Variants in ASTN1 observed in about 807,000 individuals in gnomAD.
The protein encoded by ASTN1 is astrotactin 1.
ASTN1 carries 41 observed loss-of-function variants against 140.7 expected under a neutral mutation model. The ratio of observed to expected loss-of-function variants is 0.29; its 90% CI spans 0.23 to 0.38. The LOEUF (loss-of-function observed/expected upper bound fraction) is 0.38. Among genes scored for constraint, ASTN1 ranks in the 10% least tolerant of loss-of-function variants. The probability of loss-of-function intolerance (pLI) is 1.00; values close to 1 mark genes in which losing one functional copy is unlikely to be tolerated. For missense variants in ASTN1, 1,479 were observed against 1,678.8 expected, an observed-to-expected ratio of 0.88 and a Z score of 2.08; for synonymous variants, 640 against 652.2, an observed-to-expected ratio of 0.98 and a Z score of 0.29.
intron 8 of ASTN1, among the ~76,000 whole-genome samples, chr1:177,011,922 CTG>C (rs1340564335): frequency 1.3e-5 from 2 of 152,146 alleles, no homozygotes; most frequent in Admixed American, 1.3e-4. Flanking sequence ...TACTTTTCTC[CTG>C]GTACATTGAC....
intron 1 of ASTN1, among the ~76,000 whole-genome samples, chr1:177,077,972 A>G (rs1195672294): frequency 1.3e-5 from 2 of 152,172 alleles, no homozygotes; most frequent in Non-Finnish European, 2.9e-5. Flanking sequence ...AAATAAGTGG[A>G]AGCAGAGCTC....
intron 8 of ASTN1, among the ~76,000 whole-genome samples, chr1:176,998,087 C>T (rs1674540234): frequency 6.6e-6 from 1 of 152,116 alleles, no homozygotes; most frequent in Admixed American, 6.5e-5. Context: ...GGTTGCCATA[C>T]TTGTCTTCAT....
chr1:177,164,453 G>T lies in ASTN1; in HGVS notation c.224C>A (p.Pro75Gln), dbSNP rs1647591080. ...GTCGTCCACCACGACCATTTCTCCC[G>T]GGAAGTCGTTGCGCACCGAGAAGAG... ...KLLFSVRNDF[P>Q]GEMVVVDDLE... The change falls in exon 1 of 23, where the codon CCG (proline) becomes CAG (glutamine). Residue 75 changes from proline (P) to glutamine (Q), a missense_variant. By Grantham distance (76) the Pro-to-Gln change is moderately conservative. Transcript: ENST00000361833. The T allele has an allele frequency of 1.2e-6, 2 of 1,613,520 alleles. No individual in the cohort carries two copies. Among genetic ancestry groups the T allele is most frequent in the Non-Finnish European group, 8.5e-7 (1 of 1,179,810 alleles).
rs371223970 is a variant in ASTN1 at position 177,053,610 on chromosome 1, GA to G, written c.471+7467del. Among the ~76,000 whole-genome samples the G allele has an allele frequency of 3.1e-4, 47 of 152,280 alleles. 1 individual carries two copies. The South Asian group carries it at 9.5e-3, about 31-fold the overall frequency. ...AGTGTTAAATAATCAATATCTAAAT[GA>G]AGGAATGAGTCAATGATTTTAAAAA... On this transcript the variant is annotated intron_variant, in intron 2 of 22. Transcript: ENST00000361833.
chr1:177,058,413 T>G (rs1677913831), intron 2 of ASTN1, among the ~76,000 whole-genome samples: 1 of 152,140 alleles, frequency 6.6e-6, no homozygotes, highest in Middle Eastern at 3.2e-3. Context: ...AAAATTAAGC[T>G]GAAGGAATAA....
intron 21 of ASTN1, among the ~76,000 whole-genome samples, chr1:176,870,641 A>C (rs1274912921): frequency 6.6e-6 from 1 of 152,178 alleles, no homozygotes; most frequent in East Asian, 1.9e-4. Flanking sequence ...TCTCACTGAT[A>C]TCTCTTGATA....
chr1:176,883,559 C>T (rs924627447), intron 19 of ASTN1, among the ~76,000 whole-genome samples: 1 of 152,156 alleles, frequency 6.6e-6, no homozygotes, highest in Non-Finnish European at 1.5e-5. Flanking sequence ...TGGTCCCTGC[C>T]GTACCTCAGC....
At chr1:176,988,692 T>C (rs1181942526) in intron 8 of ASTN1, among the ~76,000 whole-genome samples, 3 of 152,170 alleles carry the variant, frequency 2.0e-5, no homozygotes, top group Non-Finnish European at 4.4e-5. Flanking sequence ...GGGATTTTGG[T>C]TTAAAGATCT....
intron 8 of ASTN1, among the ~76,000 whole-genome samples, chr1:176,994,726 T>C (rs1674357357): frequency 6.6e-6 from 1 of 152,204 alleles, no homozygotes; most frequent in Non-Finnish European, 1.5e-5. Context: ...TGCTTCAATT[T>C]CTTCACCTAT....
intron 1 of ASTN1, among the ~76,000 whole-genome samples, chr1:177,090,347 C>G (rs1251480031): frequency 6.6e-6 from 1 of 151,930 alleles, no homozygotes; most frequent in Non-Finnish European, 1.5e-5. Context: ...ATAGCTATAG[C>G]TTTACAAACA....
rs1046135074 is a variant in ASTN1, at chr1:176,876,472, T to C, written c.3463+65A>G. ...TTCAACTCTCTTGGTCCTTCTGTCC[T>C]CATAGCAAGTGGTGGGTACCTGGGG... On this transcript the variant is annotated intron_variant, in intron 21 of 22. Transcript: ENST00000361833. 9 of 1,541,736 alleles carry C rather than the reference T, an allele frequency of 5.8e-6. No homozygotes were observed. The Admixed American group carries it at 6.7e-5, about 11-fold the overall frequency.
rs1351570202 is a variant in ASTN1, at chr1:176,945,945, C to T, written c.2230G>A (p.Val744Met). ...GTTTACCTGAATGTTCCTTTCAGCA[C>T]CTGTCCGGCAGCCACTTCCTTGGAA... ...NHSKEVAAGQVLKGTFRQNNF... is the reference protein window; with the variant it reads ...NHSKEVAAGQMLKGTFRQNNF... The change falls in exon 13 of 23, where the codon GTG (valine) becomes ATG (methionine). Residue 744 changes from valine (V) to methionine (M), a missense_variant. This residue lies in a region of ASTN1 where 746 missense variants were observed against 800.9 expected (regional missense o/e 0.93). Transcript: ENST00000361833. The T allele has an allele frequency of 2.0e-5, 33 of 1,611,892 alleles. No homozygotes were observed. Among genetic ancestry groups the T allele is most frequent in the Non-Finnish European group, 2.8e-5 (33 of 1,178,498 alleles).
At chr1:177,112,621 G>T (rs1680876888) in intron 1 of ASTN1, among the ~76,000 whole-genome samples, 1 of 152,154 alleles carries the variant, frequency 6.6e-6, no homozygotes, top group Non-Finnish European at 1.5e-5. Flanking sequence ...TCCCAAACAG[G>T]CATCTCTTTT....
At chr1:176,883,621 T>A (rs1668904287) in intron 19 of ASTN1, among the ~76,000 whole-genome samples, 1 of 152,218 alleles carries the variant, frequency 6.6e-6, no homozygotes, top group Non-Finnish European at 1.5e-5. Flanking sequence ...TAGGCAGCTC[T>A]CTATGCCTGA....
chr1:177,159,138 T>G (rs1484351110), intron 1 of ASTN1, among the ~76,000 whole-genome samples: 1 of 151,878 alleles, frequency 6.6e-6, no homozygotes, highest in Non-Finnish European at 1.5e-5. Context: ...ATTCAAGTCA[T>G]ATCAACATAT....
intron 1 of ASTN1, among the ~76,000 whole-genome samples, chr1:177,061,997 T>C (rs919161849): frequency 6.6e-6 from 1 of 152,138 alleles, no homozygotes; most frequent in Non-Finnish European, 1.5e-5. Flanking sequence ...CTAGCATCAA[T>C]GACTTAATAG....
intron 7 of ASTN1, among the ~76,000 whole-genome samples, chr1:177,019,781 A>C (rs1424027719): frequency 6.6e-6 from 1 of 152,222 alleles, no homozygotes; most frequent in African/African-American, 2.4e-5. Context: ...GTTCTTCCAT[A>C]GATTCCTGAT....
At chr1:176,959,675 G>A (rs371944400) in intron 9 of ASTN1, among the ~76,000 whole-genome samples, 3 of 152,202 alleles carry the variant, frequency 2.0e-5, no homozygotes, top group African/African-American at 7.2e-5. Context: ...TGTGGGACAT[G>A]TGCCAGCTTA....
chr1:176,915,182 G>C (rs1252157956), intron 16 of ASTN1, among the ~76,000 whole-genome samples: 1 of 152,088 alleles, frequency 6.6e-6, no homozygotes, highest in Non-Finnish European at 1.5e-5. Context: ...TCATTTCATT[G>C]AATTAGCGTG....
Sources: gnomAD v4.1 joint callset for allele counts (sites outside exome capture counted in the v4.1 genomes callset) on GRCh38, gnomAD v4.1.1 for gene constraint, gnomAD v4.1.1 regional missense constraint, MANE v1.5 for transcripts, NCBI Gene and HGNC (gene_info 2026-07-23, HGNC 2026-07-21) for gene names.